The following CASC3 variants were observed in gnomAD, a reference collection of about 807,000 sequenced individuals.
CASC3 encodes CASC3 exon junction complex subunit.
Under a neutral mutation model 80.5 loss-of-function variants are expected in CASC3, and 30 were observed. That is an observed-to-expected ratio of 0.37 (90% CI 0.28 to 0.51). The LOEUF is 0.51. CASC3 is among the 20% of genes least tolerant of loss of function. The pLI is 0.94. For synonymous variants in CASC3, 312 were observed against 333.6 expected (o/e 0.94, Z 0.70); for missense variants, 824 against 922.2 (o/e 0.89, Z 1.38).
intron 3 of CASC3, among the ~76,000 whole-genome samples, chr17:40,145,380 G>A (rs1342139042): frequency 6.7e-6 from 1 of 150,242 alleles, no homozygotes; most frequent in South Asian, 2.1e-4. Context: ...CACCATGTTG[G>A]CCAGGATGGT....
chr17:40,140,928 A>C, intron 1 of CASC3, 149 bp downstream of exon 1: 1 of 676,646 alleles, frequency 1.5e-6, no homozygotes. Flanking sequence ...TCCCAATGCG[A>C]GTTTGCATCC....
chr17:40,158,001 G>T (rs546647358), intron 3 of CASC3, among the ~76,000 whole-genome samples: 1 of 152,254 alleles, frequency 6.6e-6, no homozygotes, highest in South Asian at 2.1e-4. Context: ...TGATCTTGCT[G>T]CCTTGGGTGA....
At chr17:40,164,749 C>CGTGTTTT in intron 7 of CASC3, among the ~76,000 whole-genome samples, 1 of 87,852 alleles carries the variant, frequency 1.1e-5, no homozygotes, top group African/African-American at 6.5e-5. Flanking sequence ...CCGTGCCTGG[C>CGTGTTTT]CTTTTTTTTT....
In CASC3 at chr17:40,172,117, C is replaced by T; in HGVS notation, c.*1712C>T. 7.8e-7 allele frequency: 1 copy of T among 1,289,824 alleles called. No homozygotes were observed. Among genetic ancestry groups the T allele is most frequent in the Non-Finnish European group, 1.0e-6 (1 of 988,832 alleles). The allele number at this position is 1,289,824 out of a possible 1,614,324, so 79.9% of individuals were successfully genotyped here. On this transcript the variant is annotated 3_prime_UTR_variant, in exon 14 of 14. Coordinates refer to ENST00000264645, the MANE Select transcript of CASC3 (RefSeq NM_007359.5). ...TTTTTGTTACTGTTTTAAAGGGTGCCCATTTGTGATCAGCATTGTGACTTG... is the reference window on the plus strand; with the variant it reads ...TTTTTGTTACTGTTTTAAAGGGTGCTCATTTGTGATCAGCATTGTGACTTG...
In CASC3 at chr17:40,168,306, T is replaced by C. The variant is rs2145183901; in HGVS notation, c.1854T>C (p.Ala618=). 6.2e-7 allele frequency: 1 copy of C among 1,614,142 alleles called. No individual in the cohort carries two copies. The highest frequency in any genetic ancestry group is 2.2e-5 in the East Asian group (1 of 44,884). The change falls in exon 11 of 14, where the codon GCT becomes GCC. Residue 618 remains alanine, a synonymous_variant. Coordinates refer to ENST00000264645, the MANE Select transcript of CASC3 (RefSeq NM_007359.5). ...PGQPPPQQLL[A]PTYFSAPGVM... ...AGCCACCACCTCAGCAGTTGCTTGCTCCTACTTACTTTTCTGCTCCAGGCG... is the reference window on the plus strand; with the variant it reads ...AGCCACCACCTCAGCAGTTGCTTGCCCCTACTTACTTTTCTGCTCCAGGCG...
At position 40,163,872 on chromosome 17, in the gene CASC3, C is replaced by G; in HGVS notation, c.1177C>G (p.Pro393Ala). ...PPAAAPDAAPPPPDRPIEKKS... is the reference protein window; with the variant it reads ...PPAAAPDAAPAPPDRPIEKKS... Reference sequence around the variant, plus strand: ...AGCTGCTGCTCCTGATGCTGCACCACCACCCCCTGATAGGCCCATTGAGAA... The same window carrying G: ...AGCTGCTGCTCCTGATGCTGCACCAGCACCCCCTGATAGGCCCATTGAGAA... Residue 393 changes from proline (P) to alanine (A), a missense_variant, in exon 7 of 14, where the codon CCA becomes GCA. Transcript: ENST00000264645. 1 of 1,614,148 alleles carries G rather than the reference C, an allele frequency of 6.2e-7. No individual in the cohort carries two copies. The highest frequency in any genetic ancestry group is 8.5e-7 in the Non-Finnish European group (1 of 1,180,030).
intron 8 of CASC3, 68 bp downstream of exon 8, chr17:40,166,929 C>T: frequency 8.8e-7 from 1 of 1,133,464 alleles, no homozygotes; most frequent in Non-Finnish European, 1.3e-6. Context: ...ATTGTTTAAA[C>T]CAAGATAAGG....
chr17:40,154,558 T>G (rs1371569142), intron 3 of CASC3, among the ~76,000 whole-genome samples: 1 of 151,856 alleles, frequency 6.6e-6, no homozygotes, highest in Non-Finnish European at 1.5e-5. Flanking sequence ...AATTGAGATG[T>G]AAGAGTTCTC....
chr17:40,159,870 C>A (rs1218169492), intron 3 of CASC3, among the ~76,000 whole-genome samples: 1 of 151,868 alleles, frequency 6.6e-6, no homozygotes, highest in African/African-American at 2.4e-5. Flanking sequence ...TTCATGCCAC[C>A]ATGTCTGGCT....
chr17:40,154,110 T>G (rs1388180648), intron 3 of CASC3, among the ~76,000 whole-genome samples: 1 of 151,446 alleles, frequency 6.6e-6, no homozygotes, highest in African/African-American at 2.4e-5. Context: ...TGAGCGTTTT[T>G]TTTTTTTTTT....
chr17:40,167,349 A>G (rs1989476945), intron 8 of CASC3, 149 bp from the exon 9 acceptor site: 4 of 608,864 alleles, frequency 6.6e-6, no homozygotes, highest in South Asian at 4.1e-5. Context: ...TCAAATCTTG[A>G]TATCTTTTCA....
chr17:40,172,064 G>A lies in CASC3; in HGVS notation c.*1659G>A. On this transcript the variant is annotated 3_prime_UTR_variant, in exon 14 of 14. Coordinates refer to ENST00000264645, the MANE Select transcript of CASC3 (RefSeq NM_007359.5). ...CTCTGTTGGTCCACTGTGTTTAGTT[G>A]CAAGGATTTTTCCATGTGTGGTGGT... 3 of 1,289,964 alleles carry A rather than the reference G, an allele frequency of 2.3e-6. No homozygotes were observed. The highest frequency in any genetic ancestry group is 3.0e-6 in the Non-Finnish European group (3 of 988,874). 79.9% of individuals were successfully genotyped at this position (1,289,964 alleles called of 1,614,324 possible). A position where few individuals can be genotyped will look rare whatever the true frequency, so the allele number is the denominator to read the frequency against.
intron 3 of CASC3, among the ~76,000 whole-genome samples, chr17:40,144,195 G>T (rs1988793622): frequency 6.6e-6 from 1 of 152,160 alleles, no homozygotes; most frequent in South Asian, 2.1e-4. Context: ...GGAGGTGGAG[G>T]TTGCAGTGAG....
chr17:40,143,119 C>T (rs1425861154), intron 3 of CASC3, among the ~76,000 whole-genome samples: 3 of 151,318 alleles, frequency 2.0e-5, no homozygotes, highest in Non-Finnish European at 4.4e-5. Flanking sequence ...AAAAGAAAGG[C>T]TGTAGGGGTA....
At chr17:40,154,577 C>T (rs1470247854) in intron 3 of CASC3, among the ~76,000 whole-genome samples, 1 of 151,236 alleles carries the variant, frequency 6.6e-6, no homozygotes, top group African/African-American at 2.4e-5. Flanking sequence ...TCTATATATT[C>T]TGTATTCTAG....
In CASC3 at chr17:40,172,027, T is replaced by C. The variant is rs1055739002; in HGVS notation, c.*1622T>C. The stretch of plus-strand genomic sequence containing the variant: ...CCCAGATTCCCAGACCTTAAGACAC[T>C]GTGAGAGTTGTCTCTGTTGGTCCAC... On this transcript the variant is annotated 3_prime_UTR_variant, in exon 14 of 14. Transcript: ENST00000264645. 1 of 1,289,888 alleles carries C rather than the reference T, an allele frequency of 7.8e-7. No individual in the cohort carries two copies. Among genetic ancestry groups the C allele is most frequent in the African/African-American group, 1.5e-5 (1 of 65,880 alleles). The allele number at this position is 1,289,888 out of a possible 1,614,324, so 79.9% of individuals were successfully genotyped here.
chr17:40,145,520 C>T (rs974231491), intron 3 of CASC3, among the ~76,000 whole-genome samples: 9 of 151,846 alleles, frequency 5.9e-5, no homozygotes, highest in African/African-American at 1.2e-4. Flanking sequence ...AGATAGAGAG[C>T]GTTTGGGAAC....
At chr17:40,156,250 A>G (rs1251994764) in intron 3 of CASC3, among the ~76,000 whole-genome samples, 1 of 152,160 alleles carries the variant, frequency 6.6e-6, no homozygotes, top group Non-Finnish European at 1.5e-5. Flanking sequence ...ATTAAGGGAA[A>G]TGGGAAGAAT....
rs1230136669 is a variant in CASC3 at position 40,171,859 on chromosome 17, G to C, written c.*1454G>C. ...CTGAGTCACAGGTGTGGGATGGAGA[G>C]TGGGGAGAGGCACTTAATCTGTAAC... On this transcript the variant is annotated 3_prime_UTR_variant, in exon 14 of 14. Transcript: ENST00000264645. 1.7e-6 allele frequency: 2 copies of C among 1,198,860 alleles called. No individual in the cohort carries two copies. Among genetic ancestry groups the C allele is most frequent in the Non-Finnish European group, 2.1e-6 (2 of 947,170 alleles). 74.3% of individuals were successfully genotyped at this position (1,198,860 alleles called of 1,614,324 possible).
Sources: gnomAD v4.1 joint callset for allele counts (sites outside exome capture counted in the v4.1 genomes callset) on GRCh38, gnomAD v4.1.1 for gene constraint, MANE v1.5 for transcripts, NCBI Gene and HGNC (gene_info 2026-07-23, HGNC 2026-07-21) for gene names.